PLXNA4: variants seen among roughly 807,000 people sequenced by gnomAD.
PLXNA4 encodes the protein plexin A4.
PLXNA4 carries 44 observed loss-of-function variants against 191.8 expected under a neutral mutation model. The observed-to-expected ratio is 0.23, with a 90% CI of 0.18 to 0.29. The LOEUF (loss-of-function observed/expected upper bound fraction) is 0.29, where lower values mean the gene tolerates loss of function less well. Ranked by LOEUF, PLXNA4 falls within the 10% of genes least tolerant of loss-of-function variation. PLXNA4 has a pLI of 1.00. For synonymous variants in PLXNA4, 1,082 were observed against 1,009.5 expected (o/e 1.07, Z -1.36); for missense variants, 1,800 against 2,488.8 (o/e 0.72, Z 5.89).
intron 1 of PLXNA4, among the ~76,000 whole-genome samples, chr7:132,521,178 G>GAA (rs1456624869): frequency 2.3e-5 from 3 of 132,852 alleles, no homozygotes; most frequent in African/African-American, 8.5e-5. Flanking sequence ...TTTGCTCCTT[G>GAA]AAAAAAAAAA....
intron 3 of PLXNA4, among the ~76,000 whole-genome samples, chr7:132,397,949 A>G (rs74680343): frequency 0.012 from 1,832 of 152,274 alleles, 41 homozygotes; most frequent in African/African-American, 0.041. Flanking sequence ...CTTCTCTTCC[A>G]TCACCCCAGG....
At chr7:132,254,213 G>T (rs11983882) in intron 4 of PLXNA4, among the ~76,000 whole-genome samples, 3 of 152,124 alleles carry the variant, frequency 2.0e-5, no homozygotes, top group Non-Finnish European at 4.4e-5. Context: ...GGGACCCTCA[G>T]CTCTGCCCTT....
chr7:132,225,832 T>C (rs572600205), intron 8 of PLXNA4, among the ~76,000 whole-genome samples: 2 of 152,300 alleles, frequency 1.3e-5, no homozygotes, highest in East Asian at 3.9e-4. Context: ...CCACAACAGA[T>C]GGTGGAGATG....
At chr7:132,326,895 CAGGAAGGGAATG>C (rs1459849487) in intron 3 of PLXNA4, among the ~76,000 whole-genome samples, 1 of 139,994 alleles carries the variant, frequency 7.1e-6, no homozygotes, top group Non-Finnish European at 1.5e-5. Flanking sequence ...AGTGTTGTGG[CAGGAAGGGAATG>C]GGGAAAGGAA....
chr7:132,562,505 C>T (rs2116666067), intron 1 of PLXNA4, among the ~76,000 whole-genome samples: 2 of 132,092 alleles, frequency 1.5e-5, no homozygotes, highest in Non-Finnish European at 1.6e-5. Flanking sequence ...TCTCCTCCTC[C>T]TCCTTCTCCT....
intron 3 of PLXNA4, among the ~76,000 whole-genome samples, chr7:132,427,005 T>C (rs1442273206): frequency 6.6e-6 from 1 of 152,034 alleles, no homozygotes; most frequent in African/African-American, 2.4e-5. Flanking sequence ...GCTCAGCATA[T>C]GAAACAAGAA....
intron 1 of PLXNA4, among the ~76,000 whole-genome samples, chr7:132,522,907 C>A (rs1799246870): frequency 6.6e-6 from 1 of 152,070 alleles, no homozygotes; most frequent in Admixed American, 6.6e-5. Flanking sequence ...GAGAGAAAAG[C>A]CTTCTGACTT....
chr7:132,139,415 T>G (rs1012306161), intron 30 of PLXNA4, among the ~76,000 whole-genome samples: 6 of 152,230 alleles, frequency 3.9e-5, no homozygotes, highest in Non-Finnish European at 1.5e-5. Flanking sequence ...CCTTCTGGAC[T>G]CTTTTACTCT....
chr7:132,647,282 C>T (rs146591469), intron 1 of PLXNA4, among the ~76,000 whole-genome samples: 82 of 151,806 alleles, frequency 5.4e-4, no homozygotes, highest in African/African-American at 1.9e-3. Flanking sequence ...TATATACATT[C>T]ACAAACCCAC....
chr7:132,526,136 G>C (rs1036470505), intron 1 of PLXNA4, among the ~76,000 whole-genome samples: 5 of 152,142 alleles, frequency 3.3e-5, no homozygotes, highest in African/African-American at 1.2e-4. Context: ...TTATTGAAAA[G>C]AAAACCCAAG....
intron 2 of PLXNA4, among the ~76,000 whole-genome samples, chr7:132,592,451 C>T (rs1161499316): frequency 6.6e-6 from 1 of 152,092 alleles, no homozygotes; most frequent in African/African-American, 2.4e-5. Context: ...AAATCTGAGG[C>T]CCGTCTGCAT....
At chr7:132,197,021 G>T (rs979118205) in intron 13 of PLXNA4, among the ~76,000 whole-genome samples, 1 of 151,940 alleles carries the variant, frequency 6.6e-6, no homozygotes, top group Non-Finnish European at 1.5e-5. Context: ...TTTTTATTTT[G>T]CTTGCAATGA....
At chr7:132,178,056 A>T (rs1796536101) in intron 20 of PLXNA4, among the ~76,000 whole-genome samples, 1 of 151,964 alleles carries the variant, frequency 6.6e-6, no homozygotes. Flanking sequence ...TGACTCCTAA[A>T]TTTCCTTCTT....
At chr7:132,647,393 ACT>A (rs1413518107) in intron 1 of PLXNA4, among the ~76,000 whole-genome samples, 1 of 151,980 alleles carries the variant, frequency 6.6e-6, no homozygotes, top group Non-Finnish European at 1.5e-5. Context: ...GCACATATAC[ACT>A]CTCAAGCACA....
intron 3 of PLXNA4, among the ~76,000 whole-genome samples, chr7:132,403,037 G>T (rs1261049790): frequency 6.6e-6 from 1 of 152,252 alleles, no homozygotes; most frequent in Non-Finnish European, 1.5e-5. Context: ...TTGGCCAGCT[G>T]CATTGCCTTG....
At chr7:132,418,117 C>T (rs1194780982) in intron 3 of PLXNA4, among the ~76,000 whole-genome samples, 3 of 152,182 alleles carry the variant, frequency 2.0e-5, no homozygotes, top group Non-Finnish European at 4.4e-5. Context: ...CTTCTAGACT[C>T]TTCTGCAGCT....
intron 4 of PLXNA4, 40 bp from the exon 5 acceptor site, chr7:132,241,206 C>T: frequency 7.0e-7 from 1 of 1,435,100 alleles, no homozygotes; most frequent in Non-Finnish European, 9.8e-7. Flanking sequence ...CAAGATTTTG[C>T]AGAACACCCA....
chr7:132,297,949 T>G, intron 4 of PLXNA4, 142 bp downstream of exon 4: 1 of 1,076,410 alleles, frequency 9.3e-7, no homozygotes, highest in South Asian at 1.5e-5. Context: ...GCAGCATAAC[T>G]GAAAAGTATA....
At chr7:132,443,537 C>G (rs111779081) in intron 3 of PLXNA4, among the ~76,000 whole-genome samples, 4 of 152,284 alleles carry the variant, frequency 2.6e-5, no homozygotes, top group African/African-American at 7.2e-5. Flanking sequence ...CAGCTGCCAC[C>G]GGGCCTGTTG....
Sources: allele counts gnomAD v4.1 joint callset (sites outside exome capture counted in the v4.1 genomes callset), GRCh38; gene constraint gnomAD v4.1.1; transcripts MANE v1.5; gene names NCBI Gene and HGNC (gene_info 2026-07-23, HGNC 2026-07-21).